The following METAP2 variants were observed in gnomAD, a reference collection of about 807,000 sequenced individuals.
METAP2 encodes the protein methionine aminopeptidase 2.
Under a neutral mutation model 59.4 loss-of-function variants are expected in METAP2, and 25 were observed. That is an observed-to-expected ratio of 0.42 (90% CI 0.31 to 0.59). The LOEUF is 0.59. METAP2 is among the 20% of genes least tolerant of loss of function. The pLI is 0.16. For missense variants in METAP2, 366 were observed against 581.2 expected (o/e 0.63, Z 3.81); for synonymous variants, 214 against 194.1 (o/e 1.10, Z -0.85).
chr12:95,484,235 G>A (rs1379221287), intron 3 of METAP2, among the ~76,000 whole-genome samples: 2 of 151,936 alleles, frequency 1.3e-5, no homozygotes, highest in African/African-American at 4.8e-5. Flanking sequence ...GTCTCCAGGT[G>A]GAGGTGGAAT....
intron 8 of METAP2, among the ~76,000 whole-genome samples, chr12:95,509,281 G>T (rs1181584806): frequency 1.3e-5 from 2 of 152,180 alleles, no homozygotes; most frequent in Non-Finnish European, 2.9e-5. Flanking sequence ...CTTGTTACTT[G>T]TCAACCTAAA....
chr12:95,485,720 G>A, intron 3 of METAP2, 159 bp from the exon 4 acceptor site: 1 of 528,248 alleles, frequency 1.9e-6, no homozygotes. Context: ...CATTGAGGAG[G>A]TGGCCAGCAT....
intron 8 of METAP2, among the ~76,000 whole-genome samples, chr12:95,509,822 AT>A (rs2076388062): frequency 7.0e-6 from 1 of 142,452 alleles, no homozygotes; most frequent in Non-Finnish European, 1.6e-5. Context: ...ATAGAGTTAA[AT>A]TTTTTTAAGA....
chr12:95,482,330 C>T, intron 2 of METAP2: 1 of 317,042 alleles, frequency 3.2e-6, no homozygotes, highest in South Asian at 2.5e-5. Flanking sequence ...CCAGACTGGT[C>T]TCAAACTCCT....
chr12:95,491,060 T>G (rs2076234192), intron 4 of METAP2, among the ~76,000 whole-genome samples: 1 of 151,182 alleles, frequency 6.6e-6, no homozygotes, highest in African/African-American at 2.4e-5. Context: ...GTTTGACCTC[T>G]TGATTAATGT....
intron 4 of METAP2, among the ~76,000 whole-genome samples, chr12:95,488,131 C>T (rs529123199): frequency 3.3e-5 from 5 of 152,084 alleles, no homozygotes; most frequent in Middle Eastern, 3.4e-3. Context: ...ATCTTTTGAT[C>T]GTAGGCTTTA....
intron 3 of METAP2, 83 bp downstream of exon 3, chr12:95,483,363 C>A (rs2076173166): frequency 1.9e-6 from 2 of 1,062,376 alleles, no homozygotes; most frequent in Admixed American, 2.0e-5. Context: ...GTGATCCCAG[C>A]TACTCCGGAG....
intron 5 of METAP2, 69 bp downstream of exon 5, chr12:95,494,286 A>G (rs2076261421): frequency 2.8e-6 from 4 of 1,428,774 alleles, no homozygotes; most frequent in African/African-American, 1.4e-5. Context: ...CTCCAATTAT[A>G]ATGTTTGGCT....
At chr12:95,512,188 T>C (rs1594441457) in intron 9 of METAP2, among the ~76,000 whole-genome samples, 190 bp downstream of exon 9, 1 of 152,174 alleles carries the variant, frequency 6.6e-6, no homozygotes, top group African/African-American at 2.4e-5. Flanking sequence ...TTGTGGAAAT[T>C]GGGGCTGTGA....
At chr12:95,477,165 G>A (rs1214931688) in intron 2 of METAP2, among the ~76,000 whole-genome samples, 1 of 151,758 alleles carries the variant, frequency 6.6e-6, no homozygotes, top group African/African-American at 2.4e-5. Context: ...GTGCAGTGGC[G>A]TGATCTCGGA....
intron 4 of METAP2, among the ~76,000 whole-genome samples, chr12:95,491,082 CTT>C (rs11329335): frequency 0.081 from 10,858 of 134,482 alleles, 461 homozygotes; most frequent in African/African-American, 0.14. Flanking sequence ...ACAGCCAACT[CTT>C]TTTTTTTTTT....
chr12:95,494,367 A>G (rs964554243), intron 5 of METAP2, 150 bp downstream of exon 5: 15 of 798,906 alleles, frequency 1.9e-5, no homozygotes, highest in East Asian at 1.4e-4. Context: ...TAGTGTCACT[A>G]TGAGAAAACC....
At chr12:95,478,700 A>G (rs931582132) in intron 2 of METAP2, among the ~76,000 whole-genome samples, 1 of 152,264 alleles carries the variant, frequency 6.6e-6, no homozygotes, top group Non-Finnish European at 1.5e-5. Context: ...GTGAAAAGGT[A>G]TTTGGGTACC....
chr12:95,486,593 G>T (rs2076198663), intron 4 of METAP2, among the ~76,000 whole-genome samples: 1 of 151,836 alleles, frequency 6.6e-6, no homozygotes, highest in Admixed American at 6.6e-5. Flanking sequence ...TGCCTCCCGG[G>T]TTCAAGTGAT....
chr12:95,489,725 C>G (rs193068156), intron 4 of METAP2, among the ~76,000 whole-genome samples: 1 of 152,300 alleles, frequency 6.6e-6, no homozygotes, highest in African/African-American at 2.4e-5. Flanking sequence ...GTAATCCCAG[C>G]TACTTGGGAG....
intron 6 of METAP2, 121 bp downstream of exon 6, chr12:95,495,259 G>C: frequency 3.7e-6 from 3 of 805,222 alleles, no homozygotes; most frequent in Non-Finnish European, 5.7e-6. Context: ...CATTTCATTA[G>C]GAAAGGTGTG....
chr12:95,485,729 A>G, intron 3 of METAP2, 150 bp from the exon 4 acceptor site: 2 of 553,926 alleles, frequency 3.6e-6, no homozygotes, highest in East Asian at 3.2e-5. Flanking sequence ...GGTGGCCAGC[A>G]TGATGAAGTG....
intron 3 of METAP2, 193 bp downstream of exon 3, chr12:95,483,473 CTCAA>C: frequency 9.7e-6 from 1 of 102,952 alleles, no homozygotes; most frequent in African/African-American, 5.4e-5. Context: ...GAGACTCTGT[CTCAA>C]AAAAAAAAAA....
intron 10 of METAP2, 83 bp from the exon 11 acceptor site, chr12:95,513,569 G>A: frequency 1.4e-6 from 2 of 1,480,654 alleles, no homozygotes; most frequent in South Asian, 1.3e-5. Flanking sequence ...CTAGGACACA[G>A]CTAAGGTCTG....
Sources: gnomAD v4.1 joint callset for allele counts (sites outside exome capture counted in the v4.1 genomes callset) on GRCh38, gnomAD v4.1.1 for gene constraint, MANE v1.5 for transcripts, NCBI Gene and HGNC (gene_info 2026-07-23, HGNC 2026-07-21) for gene names.